RYR2: variants seen among roughly 807,000 people sequenced by gnomAD.
RYR2 encodes cardiac muscle ryanodine receptor-calcium release channel.
In RYR2, 227 loss-of-function variants were observed where a neutral mutation model predicts 601.1. The ratio of observed to expected loss-of-function variants is 0.38; its 90% CI spans 0.34 to 0.42. The LOEUF is 0.42. Ranked by LOEUF, RYR2 falls within the 10% of genes least tolerant of loss-of-function variation. RYR2 has a pLI of 1.00. For synonymous variants in RYR2, 2,223 were observed against 2,175.1 expected (o/e 1.02, Z -0.61); for missense variants, 4,646 against 6,156.5 (o/e 0.75, Z 8.21).
intron 101 of RYR2, among the ~76,000 whole-genome samples, chr1:237,821,623 A>G (rs1268396811): frequency 6.6e-6 from 1 of 152,088 alleles, no homozygotes; most frequent in Non-Finnish European, 1.5e-5. Flanking sequence ...CTCTCCTCCA[A>G]AGTATCACAA....
intron 101 of RYR2, among the ~76,000 whole-genome samples, chr1:237,822,595 T>C (rs1350872723): frequency 6.6e-6 from 1 of 152,108 alleles, no homozygotes; most frequent in Non-Finnish European, 1.5e-5. Flanking sequence ...GTAAAGACCA[T>C]TGACACTATG....
At position 237,581,353 on chromosome 1, in the gene RYR2, C is replaced by T. The variant is rs577776895; in HGVS notation, c.3599-8440C>T. 2.0e-5 allele frequency among the ~76,000 whole-genome samples: 3 copies of T among 152,214 alleles called. No individual in the cohort carries two copies. The East Asian group carries it at 5.8e-4, about 29-fold the overall frequency. ...ATACTTTTGAGTCTGTATTTGCCACCTGAAAGGAGTGTGAGTAAAATTGAA... is the reference window on the plus strand; with the variant it reads ...ATACTTTTGAGTCTGTATTTGCCACTTGAAAGGAGTGTGAGTAAAATTGAA... On this transcript the variant is annotated intron_variant, in intron 29 of 104. Transcript: ENST00000366574.
At chr1:237,637,955 C>T (rs796669387) in intron 44 of RYR2, among the ~76,000 whole-genome samples, 11 of 151,964 alleles carry the variant, frequency 7.2e-5, no homozygotes, top group African/African-American at 2.4e-4. Context: ...CAGAAGGCAC[C>T]GCGGGCTGAG....
intron 1 of RYR2, among the ~76,000 whole-genome samples, chr1:237,150,479 C>A (rs1024835598): frequency 3.3e-5 from 5 of 152,108 alleles, no homozygotes; most frequent in South Asian, 2.1e-4. Context: ...TAACCTAATA[C>A]CTGGCATGTG....
chr1:237,657,997 C>A lies in RYR2; in HGVS notation c.8183C>A (p.Ser2728Tyr), dbSNP rs768193177. Residue 2728 changes from serine (S) to tyrosine (Y), a missense_variant, in exon 54 of 105, where the codon TCC becomes TAC. By Grantham distance (144) the Ser-to-Tyr change is moderately radical. Transcript: ENST00000366574. ...EYFINKYAEHSHDKWSMDKLA... is the reference protein window; with the variant it reads ...EYFINKYAEHYHDKWSMDKLA... ...TTCATTAACAAATATGCAGAACACT[C>A]CCATGACAAATGGTCAATGGACAAG... 3 of 1,509,794 alleles carry A rather than the reference C, an allele frequency of 2.0e-6. No homozygotes were observed. Among genetic ancestry groups the A allele is most frequent in the Non-Finnish European group, 2.7e-6 (3 of 1,125,524 alleles). The allele number at this position is 1,509,794 out of a possible 1,614,324, so 93.5% of individuals were successfully genotyped here.
chr1:237,205,917 G>A (rs1341159012), intron 1 of RYR2, among the ~76,000 whole-genome samples: 1 of 152,212 alleles, frequency 6.6e-6, no homozygotes, highest in Non-Finnish European at 1.5e-5. Context: ...TGGAAGCCGT[G>A]AGTCAGACCC....
intron 14 of RYR2, among the ~76,000 whole-genome samples, chr1:237,447,874 T>C (rs1260460599): frequency 1.4e-5 from 2 of 147,218 alleles, no homozygotes; most frequent in African/African-American, 5.0e-5. Flanking sequence ...TCTTTTTTCT[T>C]TCCTTTTCTT....
chr1:237,306,248 T>G (rs1397065151), intron 2 of RYR2, among the ~76,000 whole-genome samples: 1 of 152,168 alleles, frequency 6.6e-6, no homozygotes, highest in Non-Finnish European at 1.5e-5. Flanking sequence ...AAAGAAGTCT[T>G]GTGTTCAGCC....
chr1:237,375,431 G>A (rs1250312692), intron 7 of RYR2, among the ~76,000 whole-genome samples: 1 of 152,050 alleles, frequency 6.6e-6, no homozygotes, highest in Non-Finnish European at 1.5e-5. Flanking sequence ...GCATCACTTT[G>A]TAATTAAAAA....
Position 237,248,738 on chromosome 1 carries a change from CTAGACATTGAATGAA to C in RYR2, c.49-21757_49-21743del, listed in dbSNP as rs541435316. On this transcript the variant is annotated intron_variant, in intron 1 of 104. Transcript: ENST00000366574. ...ATTTTTGAAAGACATACACAGATGA[CTAGACATTGAATGAA>C]TGTACATTTTTTTTTTTTTTTTTTT... Among the ~76,000 whole-genome samples the C allele has an allele frequency of 3.8e-4, 57 of 149,632 alleles. 1 individual carries two copies. In the South Asian group the frequency reaches 0.012, roughly 32 times the overall value.
intron 3 of RYR2, among the ~76,000 whole-genome samples, chr1:237,334,492 ATAAT>A (rs1432869762): frequency 1.3e-5 from 2 of 151,480 alleles, no homozygotes; most frequent in Admixed American, 1.3e-4. Flanking sequence ...CAGTATTTAT[ATAAT>A]TACATTGACT....
intron 11 of RYR2, among the ~76,000 whole-genome samples, chr1:237,420,816 T>A (rs1224645657): frequency 6.6e-6 from 1 of 152,200 alleles, no homozygotes; most frequent in East Asian, 1.9e-4. Context: ...CCATGATGAT[T>A]AAGATGAATT....
At chr1:237,464,290 C>T (rs1160001017) in intron 16 of RYR2, among the ~76,000 whole-genome samples, 1 of 151,984 alleles carries the variant, frequency 6.6e-6, no homozygotes, top group Non-Finnish European at 1.5e-5. Context: ...TTTTTATTGT[C>T]GTCTATTTTT....
intron 29 of RYR2, among the ~76,000 whole-genome samples, chr1:237,570,527 C>T (rs1305519402): frequency 4.0e-5 from 6 of 151,648 alleles, no homozygotes; most frequent in Admixed American, 6.6e-5. Context: ...TTAGTAGAGA[C>T]GGGGTTTCAC....
intron 100 of RYR2, among the ~76,000 whole-genome samples, chr1:237,809,738 T>C (rs1286909449): frequency 6.6e-6 from 1 of 152,104 alleles, no homozygotes; most frequent in Non-Finnish European, 1.5e-5. Flanking sequence ...TAATGATACA[T>C]AAATTACTCT....
chr1:237,183,608 T>C (rs1485474054), intron 1 of RYR2, among the ~76,000 whole-genome samples: 2 of 152,164 alleles, frequency 1.3e-5, no homozygotes, highest in Non-Finnish European at 1.5e-5. Context: ...GTAGTAAAGA[T>C]AAAGCATACA....
chr1:237,469,256 G>GAAAA, intron 17 of RYR2, 69 bp downstream of exon 17: 6 of 50,940 alleles, frequency 1.2e-4, no homozygotes, highest in Admixed American at 6.1e-4. Flanking sequence ...TATCCTTTAA[G>GAAAA]ACAAAAAAAA....
intron 48 of RYR2, among the ~76,000 whole-genome samples, chr1:237,647,604 C>T (rs1467710865): frequency 2.0e-5 from 3 of 152,092 alleles, no homozygotes; most frequent in Non-Finnish European, 4.4e-5. Context: ...TCAGTTTATT[C>T]AGGATGATTG....
chr1:237,503,166 A>AG, intron 21 of RYR2, 123 bp from the exon 22 acceptor site: 1 of 775,422 alleles, frequency 1.3e-6, no homozygotes, highest in Non-Finnish European at 2.1e-6. Flanking sequence ...GATGGTACGT[A>AG]GGGGAAAATG....
Sources: gnomAD v4.1 joint callset for allele counts (sites outside exome capture counted in the v4.1 genomes callset) on GRCh38, gnomAD v4.1.1 for gene constraint, MANE v1.5 for transcripts, NCBI Gene and HGNC (gene_info 2026-07-23, HGNC 2026-07-21) for gene names.